NOTCH2: variants seen among roughly 807,000 people sequenced by gnomAD.
NOTCH2 encodes the protein neurogenic locus notch homolog protein 2.
A neutral mutation model predicts 235.8 loss-of-function variants in NOTCH2; 29 were observed. That is an observed-to-expected ratio of 0.12 (90% CI 0.09 to 0.17). The LOEUF (loss-of-function observed/expected upper bound fraction) is 0.17, where lower values mean the gene tolerates loss of function less well. Among genes scored for constraint, NOTCH2 ranks in the 10% least tolerant of loss-of-function variants. The pLI, the probability that NOTCH2 is intolerant of heterozygous loss-of-function variation, is 1.00. For synonymous variants in NOTCH2, 1,086 were observed against 1,141.5 expected (o/e 0.95, Z 0.98); for missense variants, 2,285 against 3,150.2 (o/e 0.73, Z 6.57).
chr1:119,981,316 C>T (rs1215048451), intron 5 of NOTCH2, among the ~76,000 whole-genome samples: 1 of 152,228 alleles, frequency 6.6e-6, no homozygotes, highest in African/African-American at 2.4e-5. Flanking sequence ...ACACCTTCTG[C>T]TTCCTAGTGT....
intron 26 of NOTCH2, 28 bp downstream of exon 26, chr1:119,923,609 C>A (rs889693239): frequency 6.3e-7 from 1 of 1,589,040 alleles, no homozygotes; most frequent in Non-Finnish European, 8.6e-7. Context: ...ATAAAATTAG[C>A]CTTGAAGTTC....
chr1:119,963,454 T>G (rs1651020726), intron 11 of NOTCH2, 120 bp downstream of exon 11: 2 of 958,672 alleles, frequency 2.1e-6, no homozygotes, highest in Non-Finnish European at 1.7e-6. Context: ...TGGCTGTGCT[T>G]CTCAGAATCA....
chr1:119,949,349 G>T lies in NOTCH2; in HGVS notation c.2480-223C>A, dbSNP rs1214722058. On this transcript the variant is annotated intron_variant, in intron 15 of 33. Coordinates refer to ENST00000256646, the MANE Select transcript of NOTCH2 (RefSeq NM_024408.4). ...CTACAACTGTGATTTTATGAACTAG[G>T]CCTGTTAAATGTAGTTTCCCTACAC... Among the ~76,000 whole-genome samples the T allele has an allele frequency of 2.0e-5, 3 of 148,874 alleles. No homozygotes were observed. In the East Asian group the frequency reaches 6.0e-4, roughly 30 times the overall value.
chr1:120,001,110 T>G (rs1476100560), intron 3 of NOTCH2, among the ~76,000 whole-genome samples: 4 of 152,122 alleles, frequency 2.6e-5, no homozygotes, highest in African/African-American at 9.7e-5. Context: ...ACGAAAGAAG[T>G]GCCTTTTGCC....
At chr1:119,948,909 C>T (rs1415982587) in intron 16 of NOTCH2, 98 bp downstream of exon 16, 2 of 1,472,432 alleles carry the variant, frequency 1.4e-6, no homozygotes, top group Non-Finnish European at 1.9e-6. Flanking sequence ...GGACAGGCCT[C>T]ATAAGACCAG....
intron 1 of NOTCH2, among the ~76,000 whole-genome samples, chr1:120,040,804 G>A (rs1488271970): frequency 6.7e-6 from 1 of 149,812 alleles, no homozygotes; most frequent in East Asian, 1.9e-4. Context: ...TTGGGAGGCC[G>A]AGGTGGGCGG....
At chr1:119,938,191 T>C (rs947013565) in intron 19 of NOTCH2, among the ~76,000 whole-genome samples, 181 bp from the exon 20 acceptor site, 1 of 152,232 alleles carries the variant, frequency 6.6e-6, no homozygotes. Context: ...TAACCATTTT[T>C]ACGTACCGTT....
intron 5 of NOTCH2, among the ~76,000 whole-genome samples, chr1:119,981,564 A>C (rs1159112849): frequency 1.3e-5 from 2 of 152,112 alleles, no homozygotes; most frequent in Non-Finnish European, 2.9e-5. Context: ...CCAAGGCTAC[A>C]CCCTGAGTCA....
intron 4 of NOTCH2, chr1:119,995,766 G>A (rs1271672685): frequency 6.6e-6 from 1 of 152,204 alleles, no homozygotes. Context: ...ATGTGACAAT[G>A]CTTTGTATAG....
chr1:119,963,470 G>GT, intron 11 of NOTCH2, 104 bp downstream of exon 11: 1 of 1,078,156 alleles, frequency 9.3e-7, no homozygotes. Flanking sequence ...AATCAGGACT[G>GT]TTTTTTAGGT....
chr1:120,047,909 T>G (rs1267464678), intron 1 of NOTCH2, among the ~76,000 whole-genome samples: 1 of 136,238 alleles, frequency 7.3e-6, no homozygotes, highest in Non-Finnish European at 1.6e-5. Context: ...GGATTACAGG[T>G]GCACGCCACC....
chr1:119,931,445 T>A (rs943975616), intron 22 of NOTCH2, among the ~76,000 whole-genome samples: 1 of 151,846 alleles, frequency 6.6e-6, no homozygotes, highest in African/African-American at 2.4e-5. Flanking sequence ...GAGACCCCAC[T>A]AAAAATTATC....
intron 24 of NOTCH2, 110 bp from the exon 25 acceptor site, chr1:119,925,920 T>A: frequency 7.7e-7 from 1 of 1,297,388 alleles, no homozygotes; most frequent in South Asian, 1.3e-5. Context: ...GTACTTCCCG[T>A]TCAGCCCAAG....
chr1:119,987,692 T>C (rs1553202391), intron 4 of NOTCH2, among the ~76,000 whole-genome samples: 1 of 152,188 alleles, frequency 6.6e-6, no homozygotes, highest in East Asian at 1.9e-4. Flanking sequence ...CTAATTCCAC[T>C]TGCCTATCCT....
At chr1:119,944,264 T>C (rs1553196797) in intron 17 of NOTCH2, among the ~76,000 whole-genome samples, 1 of 152,036 alleles carries the variant, frequency 6.6e-6, no homozygotes, top group Non-Finnish European at 1.5e-5. Context: ...AGGCTAGGCA[T>C]GGTGGCTCAC....
intron 33 of NOTCH2, 21 bp downstream of exon 33, chr1:119,917,644 C>T: frequency 6.5e-7 from 1 of 1,544,792 alleles, no homozygotes; most frequent in Non-Finnish European, 8.9e-7. Context: ...CCTCCTCAAG[C>T]TCAGAGCCCA....
chr1:119,938,290 A>C lies in NOTCH2; in HGVS notation c.3184-280T>G, dbSNP rs587732548. ...AACGAAACCAATTTTACCACAGTCT[A>C]ATTGATATAAAAAAGAGTTAAGTTC... On this transcript the variant is annotated intron_variant, in intron 19 of 33. Coordinates refer to ENST00000256646, the MANE Select transcript of NOTCH2 (RefSeq NM_024408.4). Among the ~76,000 whole-genome samples the C allele has an allele frequency of 5.3e-5, 8 of 152,298 alleles. No individual in the cohort carries two copies. In the South Asian group the frequency reaches 1.7e-3, roughly 32 times the overall value.
At chr1:119,934,184 G>T (rs1354358667) in intron 22 of NOTCH2, among the ~76,000 whole-genome samples, 1 of 152,172 alleles carries the variant, frequency 6.6e-6, no homozygotes. Context: ...GGGCCTAATG[G>T]GAGGTGTTTG....
chr1:119,922,999 T>G lies in NOTCH2; in HGVS notation c.4860-221A>C, dbSNP rs587600272. Among the ~76,000 whole-genome samples, 14 of 152,334 alleles carry G rather than the reference T, an allele frequency of 9.2e-5. No individual in the cohort carries two copies. The East Asian group carries it at 1.7e-3, about 19-fold the overall frequency. On this transcript the variant is annotated intron_variant, in intron 26 of 33. Coordinates refer to ENST00000256646, the MANE Select transcript of NOTCH2 (RefSeq NM_024408.4). ...ATTCCCACATAGAGGATGTCCCACCTTCCTTAGTCTGGCTGACCAAAGCCT... is the reference window on the plus strand; with the variant it reads ...ATTCCCACATAGAGGATGTCCCACCGTCCTTAGTCTGGCTGACCAAAGCCT...
Sources: gnomAD v4.1 joint callset for allele counts (sites outside exome capture counted in the v4.1 genomes callset) on GRCh38, gnomAD v4.1.1 for gene constraint, MANE v1.5 for transcripts, NCBI Gene and HGNC (gene_info 2026-07-23, HGNC 2026-07-21) for gene names.